The following GABPB1 variants were observed in gnomAD, a reference collection of about 807,000 sequenced individuals.
GABPB1 encodes the protein GA-binding protein subunit beta-1.
GABPB1 carries 15 observed loss-of-function variants against 45.9 expected under a neutral mutation model. The ratio of observed to expected loss-of-function variants is 0.33; its 90% CI spans 0.22 to 0.50. The LOEUF (loss-of-function observed/expected upper bound fraction) is 0.50. Ranked by LOEUF, GABPB1 falls within the 20% of genes least tolerant of loss-of-function variation. The pLI is 0.98. For missense variants in GABPB1, 252 were observed against 457.5 expected (o/e 0.55, Z 4.10); for synonymous variants, 143 against 154.4 (o/e 0.93, Z 0.55).
At chr15:50,298,054 G>A (rs1459197775) in intron 6 of GABPB1, among the ~76,000 whole-genome samples, 1 of 152,136 alleles carries the variant, frequency 6.6e-6, no homozygotes, top group African/African-American at 2.4e-5. Context: ...TAGAAGAAAA[G>A]CCGTTTTACT....
chr15:50,354,791 G>C, intron 1 of GABPB1, 194 bp downstream of exon 1: 1 of 230,806 alleles, frequency 4.3e-6, no homozygotes, highest in South Asian at 4.1e-5. Context: ...GGCGGCGCGG[G>C]CGCCCAGGCC....
At chr15:50,299,300 T>A (rs2046640566) in intron 6 of GABPB1, among the ~76,000 whole-genome samples, 2 of 152,260 alleles carry the variant, frequency 1.3e-5, no homozygotes, top group South Asian at 4.1e-4. Context: ...TTTACCGACA[T>A]AATAATTACA....
intron 1 of GABPB1, among the ~76,000 whole-genome samples, chr15:50,336,168 T>C (rs534525574): frequency 5.7e-4 from 86 of 151,554 alleles, no homozygotes; most frequent in Non-Finnish European, 1.0e-3. Context: ...CTGGCCAATA[T>C]GGCGAAAACC....
intron 1 of GABPB1, among the ~76,000 whole-genome samples, chr15:50,337,127 AT>A (rs1316641691): frequency 1.3e-4 from 1 of 7,604 alleles, no homozygotes; most frequent in Non-Finnish European, 1.9e-4. Context: ...ATATATATAT[AT>A]AATATGAAGA....
intron 1 of GABPB1, among the ~76,000 whole-genome samples, chr15:50,337,135 A>AAG: frequency 1.0e-5 from 1 of 95,864 alleles, no homozygotes; most frequent in Admixed American, 1.1e-4. Context: ...ATATAATATG[A>AAG]AGAGGTCAGA....
intron 2 of GABPB1, among the ~76,000 whole-genome samples, chr15:50,307,348 T>G (rs2046983779): frequency 6.6e-6 from 1 of 152,230 alleles, no homozygotes; most frequent in African/African-American, 2.4e-5. Context: ...AACTTTCTCC[T>G]TGGTAAAGCA....
chr15:50,306,613 C>T (rs889950772), intron 2 of GABPB1, among the ~76,000 whole-genome samples: 7 of 144,660 alleles, frequency 4.8e-5, no homozygotes, highest in East Asian at 4.0e-4. Context: ...GGCAACAGAG[C>T]GAAACTCTGT....
At position 50,331,978 on chromosome 15, in the gene GABPB1, G is replaced by A. The variant is rs373571881; in HGVS notation, c.1-22180C>T. On this transcript the variant is annotated intron_variant, in intron 1 of 8. Transcript: ENST00000380877. Reference sequence around the variant, plus strand: ...CAACCTCCACCTCCTGGGTTCAAGCGATTCTCCCGTCTCAGTCTCCCAAGT... The same window carrying A: ...CAACCTCCACCTCCTGGGTTCAAGCAATTCTCCCGTCTCAGTCTCCCAAGT... Among the ~76,000 whole-genome samples, 36 of 151,780 alleles carry A rather than the reference G, an allele frequency of 2.4e-4. No homozygotes were observed. The South Asian group carries it at 6.3e-3, about 26-fold the overall frequency.
At chr15:50,320,100 CAAAA>C (rs2047505472) in intron 1 of GABPB1, among the ~76,000 whole-genome samples, 1 of 152,148 alleles carries the variant, frequency 6.6e-6, no homozygotes, top group South Asian at 2.1e-4. Context: ...AAAAAACACA[CAAAA>C]AGGGGATCAT....
intron 1 of GABPB1, chr15:50,327,046 A>G (rs932959864): frequency 6.6e-6 from 1 of 152,110 alleles, no homozygotes; most frequent in Non-Finnish European, 1.5e-5. Flanking sequence ...TTCAACTACC[A>G]GTTGTTTTTA....
chr15:50,338,811 C>T (rs546769225), intron 1 of GABPB1, among the ~76,000 whole-genome samples: 50 of 152,302 alleles, frequency 3.3e-4, no homozygotes, highest in Admixed American at 1.2e-3. Context: ...CTATCTACCA[C>T]GATCACTTCC....
intron 1 of GABPB1, among the ~76,000 whole-genome samples, chr15:50,320,357 G>A (rs1289405893): frequency 6.6e-6 from 1 of 152,138 alleles, no homozygotes; most frequent in African/African-American, 2.4e-5. Flanking sequence ...TAGTAGAGAT[G>A]GGGTTTCGGC....
intron 1 of GABPB1, among the ~76,000 whole-genome samples, chr15:50,345,441 C>T (rs750565594): frequency 6.6e-6 from 1 of 152,102 alleles, no homozygotes; most frequent in African/African-American, 2.4e-5. Context: ...GTGACACATG[C>T]GTGTAGTCCC....
At chr15:50,290,013 C>T (rs2046296996) in intron 6 of GABPB1, among the ~76,000 whole-genome samples, 1 of 152,102 alleles carries the variant, frequency 6.6e-6, no homozygotes, top group South Asian at 2.1e-4. Flanking sequence ...AAGCAAGCCT[C>T]CTGCCTTGAC....
chr15:50,296,535 T>C (rs1035597285), intron 6 of GABPB1, among the ~76,000 whole-genome samples: 1 of 152,220 alleles, frequency 6.6e-6, no homozygotes, highest in African/African-American at 2.4e-5. Flanking sequence ...ATAGGAGAGA[T>C]GGTACATTAT....
intron 8 of GABPB1, among the ~76,000 whole-genome samples, chr15:50,282,114 G>A (rs1197525951): frequency 1.3e-5 from 2 of 152,056 alleles, no homozygotes; most frequent in East Asian, 3.9e-4. Flanking sequence ...TGGGAGGATT[G>A]CTTGAGCCCA....
At chr15:50,289,779 C>CTTTTTTTTTT in intron 6 of GABPB1, 111 bp from the exon 7 acceptor site, 1 of 737,214 alleles carries the variant, frequency 1.4e-6, no homozygotes, top group Non-Finnish European at 2.1e-6. Flanking sequence ...TTTCTTTTTT[C>CTTTTTTTTTT]TTTTTTAAAT....
Position 50,286,049 on chromosome 15 carries a change from C to T in GABPB1, c.999+19G>A, listed in dbSNP as rs768000140. On this transcript the variant is annotated intron_variant, in intron 8 of 8. Transcript: ENST00000380877. The stretch of plus-strand genomic sequence containing the variant: ...TTTGGATGACTGCGGCAAAGCACAC[C>T]GGGTAAAAGACTCCTTACTTCTATT... 22 of 1,606,886 alleles carry T rather than the reference C, an allele frequency of 1.4e-5. No homozygotes were observed. The highest frequency in any genetic ancestry group is 1.1e-4 in the East Asian group (5 of 44,602).
At chr15:50,316,902 A>C (rs2141075305) in intron 1 of GABPB1, among the ~76,000 whole-genome samples, 1 of 152,214 alleles carries the variant, frequency 6.6e-6, no homozygotes, top group East Asian at 1.9e-4. Context: ...TGGCTGACTC[A>C]TTTCCCAACT....
Sources: allele counts gnomAD v4.1 joint callset (sites outside exome capture counted in the v4.1 genomes callset), GRCh38; gene constraint gnomAD v4.1.1; transcripts MANE v1.5; gene names NCBI Gene and HGNC (gene_info 2026-07-23, HGNC 2026-07-21).